The following PAGE1 variants were observed in gnomAD, a reference collection of about 807,000 sequenced individuals.
PAGE1 encodes the protein P antigen family member 1.
A neutral mutation model predicts 11.5 loss-of-function variants in PAGE1; 6 were observed. The observed-to-expected ratio is 0.52, with a 90% CI of 0.29 to 1.03. PAGE1 has a LOEUF of 1.03. Ranked by LOEUF, PAGE1 falls within the 50% of genes least tolerant of loss-of-function variation. The pLI is 0.09. For synonymous variants in PAGE1, 42 were observed against 40.2 expected (o/e 1.05, Z -0.17); for missense variants, 120 against 110.2 (o/e 1.09, Z -0.40).
chrX:49,691,554 G>A (rs1333190339), intron 3 of PAGE1, among the ~76,000 whole-genome samples, 180 bp from the exon 4 acceptor site: 21 of 111,546 alleles, frequency 1.9e-4, no homozygotes, highest in Non-Finnish European at 2.6e-4. Context: ...AGGAAAACAG[G>A]GTTTTCCAAA....
intron 4 of PAGE1, among the ~76,000 whole-genome samples, chrX:49,690,070 CATATATATGTGT>C (rs1335216103): frequency 1.7e-5 from 1 of 59,189 alleles, no homozygotes; most frequent in Non-Finnish European, 3.0e-5. Flanking sequence ...TATATACACA[CATATATATGTGT>C]ATATATGTGT....
chrX:49,690,081 GTATATATGTGTATATATGTGTA>G lies in PAGE1; in HGVS notation c.293-560_293-539del, dbSNP rs2066913007. On this transcript the variant is annotated intron_variant, in intron 4 of 5. Transcript: ENST00000376150. ...TGTGTATATACACACATATATATGT[GTATATATGTGTATATATGTGTA>G]TATATACACATATATATGTGTATAT... Among the ~76,000 whole-genome samples, 3 of 49,896 alleles carry G rather than the reference GTATATATGTGTATATATGTGTA, an allele frequency of 6.0e-5. No homozygotes were observed. In the Admixed American group the frequency reaches 7.4e-4, roughly 12 times the overall value. The allele number at this position is 49,896 out of a possible 115,157, so 43.3% of individuals were successfully genotyped here.
intron 3 of PAGE1, among the ~76,000 whole-genome samples, chrX:49,693,316 G>A (rs61167250): frequency 0.024 from 2,684 of 111,677 alleles, 73 homozygotes; most frequent in African/African-American, 0.082. Context: ...AGGAATGAGT[G>A]GACAGCAATT....
At chrX:49,689,905 TGTGTATATACACACATATATAGG>T (rs1315832835) in intron 4 of PAGE1, among the ~76,000 whole-genome samples, 5 of 12,334 alleles carry the variant, frequency 4.1e-4, no homozygotes, top group African/African-American at 1.5e-3. Context: ...TGTATATATA[TGTGTATATACACACATATATAGG>T]GTGTATATAT....
chrX:49,688,075 C>G (rs782210935), intron 5 of PAGE1, among the ~76,000 whole-genome samples: 2 of 112,858 alleles, frequency 1.8e-5, no homozygotes, highest in Non-Finnish European at 3.7e-5. Flanking sequence ...GCATCACTGA[C>G]CTACATCCCA....
chrX:49,695,466 C>A (rs1557142748), intron 1 of PAGE1, among the ~76,000 whole-genome samples: 5 of 111,621 alleles, frequency 4.5e-5, no homozygotes, highest in African/African-American at 1.6e-4. Flanking sequence ...TTCCCAGGTT[C>A]CAGGCCCCTT....
In PAGE1 at chrX:49,695,952, G is replaced by C. The variant is rs969513780; in HGVS notation, c.-92C>G. On this transcript the variant is annotated 5_prime_UTR_variant, in exon 1 of 6. Transcript: ENST00000376150. ...AAAAGTGTCCGGACAGCAGGAACGC[G>C]ACTGCACACTCTCACAGCTCCCTGG... 8.8e-6 allele frequency: 1 copy of C among 113,964 alleles called. No homozygotes were observed. Among genetic ancestry groups the C allele is most frequent in the African/African-American group, 3.2e-5 (1 of 30,817 alleles). The allele number at this position is 113,964 out of a possible 1,213,427, so 9.4% of individuals were successfully genotyped here. A position where few individuals can be genotyped will look rare whatever the true frequency, so the allele number is the denominator to read the frequency against.
intron 4 of PAGE1, among the ~76,000 whole-genome samples, chrX:49,690,671 A>G (rs73483954): frequency 0.024 from 2,654 of 111,403 alleles, 73 homozygotes; most frequent in African/African-American, 0.082. Context: ...AACACATGAC[A>G]AGCACATGTA....
At position 49,689,475 on chromosome X, in the gene PAGE1, G is replaced by A. The variant is rs782225060; in HGVS notation, c.361C>T (p.Pro121Ser). The change falls in exon 5 of 6, where the codon CCT (proline) becomes TCT (serine). Residue 121 changes from proline to serine, a missense_variant. Transcript: ENST00000376150. ...GGCAGGCCCAACTCCTGGACATCAG[G>A]ACCATCTCCGCGCTCACACCCAGTC... ...PKTGCERGDGPDVQELGLPNP... is the reference protein window; with the variant it reads ...PKTGCERGDGSDVQELGLPNP... 9.5e-7 allele frequency: 1 copy of A among 1,057,160 alleles called. No individual in the cohort carries two copies. Among genetic ancestry groups the A allele is most frequent in the African/African-American group, 2.2e-5 (1 of 45,221 alleles). The allele number at this position is 1,057,160 out of a possible 1,213,427, so 87.1% of individuals were successfully genotyped here. A position where few individuals can be genotyped will look rare whatever the true frequency, so the allele number is the denominator to read the frequency against.
chrX:49,689,334 C>T, intron 5 of PAGE1, 84 bp downstream of exon 5: 1 of 891,465 alleles, frequency 1.1e-6, no homozygotes, highest in Admixed American at 3.4e-5. Context: ...GAGCGAGACT[C>T]TGTCTCAAAA....
Position 49,695,920 on chromosome X carries a change from A to G in PAGE1, c.-60T>C, listed in dbSNP as rs2066940477. Reference sequence around the variant, plus strand: ...GCGGATCTACCAGATGAGTCTCAGTAGAGGAAAAAAGTGTCCGGACAGCAG... The same window carrying G: ...GCGGATCTACCAGATGAGTCTCAGTGGAGGAAAAAAGTGTCCGGACAGCAG... On this transcript the variant is annotated 5_prime_UTR_variant, in exon 1 of 6. Transcript: ENST00000376150. 1 of 112,222 alleles carries G rather than the reference A, an allele frequency of 8.9e-6. No individual in the cohort carries two copies. The highest frequency in any genetic ancestry group is 1.9e-5 in the Non-Finnish European group (1 of 53,396). The allele number at this position is 112,222 out of a possible 1,213,427, so 9.2% of individuals were successfully genotyped here.
Position 49,691,376 on chromosome X carries a change from T to C in PAGE1, c.167-2A>G. On this transcript the variant is annotated splice_acceptor_variant, in intron 3 of 5. Coordinates refer to ENST00000376150, the MANE Select transcript of PAGE1 (RefSeq NM_003785.4). LOFTEE classifies it high-confidence loss of function. ...GGCTATCAGCTTCAGGCTCCTGCCC[T>C]TAAAGATAAAACAAAATTATCATTT... 1 of 1,186,283 alleles carries C rather than the reference T, an allele frequency of 8.4e-7. No homozygotes were observed. Among genetic ancestry groups the C allele is most frequent in the Non-Finnish European group, 1.1e-6 (1 of 883,893 alleles).
intron 4 of PAGE1, among the ~76,000 whole-genome samples, chrX:49,689,932 T>TACAC (rs2066909172): frequency 2.0e-5 from 1 of 50,002 alleles, no homozygotes; most frequent in East Asian, 9.0e-4. Context: ...ATATAGGGTG[T>TACAC]ATATATATGT....
At position 49,691,385 on chromosome X, in the gene PAGE1, A is replaced by G. The variant is rs782605170; in HGVS notation, c.167-11T>C. 8.5e-7 allele frequency: 1 copy of G among 1,179,873 alleles called. No individual in the cohort carries two copies. Among genetic ancestry groups the G allele is most frequent in the Non-Finnish European group, 1.1e-6 (1 of 877,046 alleles). On this transcript the variant is annotated splice_polypyrimidine_tract_variant and intron_variant, in intron 3 of 5. Coordinates refer to ENST00000376150, the MANE Select transcript of PAGE1 (RefSeq NM_003785.4). ...CTTCAGGCTCCTGCCCTTAAAGATA[A>G]AACAAAATTATCATTTTAAGCAGCA...
intron 4 of PAGE1, among the ~76,000 whole-genome samples, chrX:49,689,748 ATGTGTATATATACATATATATG>A (rs1340124140): frequency 9.7e-4 from 60 of 61,892 alleles, no homozygotes; most frequent in Middle Eastern, 0.015. Flanking sequence ...ATATATGTAT[ATGTGTATATATACATATATATG>A]TGTGTATATA....
chrX:49,690,091 G>GTATATATGTGTATATATACACACA (rs2066913477), intron 4 of PAGE1, among the ~76,000 whole-genome samples: 1 of 51,671 alleles, frequency 1.9e-5, no homozygotes, highest in Admixed American at 2.3e-4. Context: ...GTATATATGT[G>GTATATATGTGTATATATACACACA]TATATATGTG....
intron 3 of PAGE1, among the ~76,000 whole-genome samples, chrX:49,692,247 G>A (rs1366654672): frequency 8.9e-6 from 1 of 112,153 alleles, no homozygotes; most frequent in African/African-American, 3.2e-5. Flanking sequence ...ATTGTTAAAT[G>A]TCCTGAGTTT....
At chrX:49,688,295 A>G (rs1433118419) in intron 5 of PAGE1, among the ~76,000 whole-genome samples, 2 of 112,010 alleles carry the variant, frequency 1.8e-5, no homozygotes, top group Non-Finnish European at 3.8e-5. Context: ...CCAGCTGCTC[A>G]GGAGGCTAAG....
At chrX:49,689,074 C>T (rs1557141365) in intron 5 of PAGE1, among the ~76,000 whole-genome samples, 1 of 111,517 alleles carries the variant, frequency 9.0e-6, no homozygotes, top group African/African-American at 3.3e-5. Flanking sequence ...GGTGCAGTGG[C>T]TCATGCCTGT....
Sources: allele counts gnomAD v4.1 joint callset (sites outside exome capture counted in the v4.1 genomes callset), GRCh38; gene constraint gnomAD v4.1.1; transcripts MANE v1.5; gene names NCBI Gene and HGNC (gene_info 2026-07-23, HGNC 2026-07-21).